CFAP91: variants seen among roughly 807,000 people sequenced by gnomAD.
The protein encoded by CFAP91 is cilia and flagella associated protein 91, also known as cilia- and flagella-associated protein 91.
CFAP91 carries 85 observed loss-of-function variants against 95.9 expected under a neutral mutation model. That is an observed-to-expected ratio of 0.89 (90% confidence interval 0.74 to 1.06). CFAP91 has a LOEUF of 1.06. Among genes scored for constraint, CFAP91 ranks in the 50% least tolerant of loss-of-function variants. The pLI is 0.00. For missense variants in CFAP91, 962 were observed against 943.4 expected, an observed-to-expected ratio of 1.02 and a Z score of -0.26; for synonymous variants, 335 against 327.5, an observed-to-expected ratio of 1.02 and a Z score of -0.25.
At chr3:119,713,380 A>C (rs1234953052) in intron 5 of CFAP91, 1 of 149,340 alleles carries the variant, frequency 6.7e-6, no homozygotes, top group Non-Finnish European at 1.5e-5. Flanking sequence ...GGCCTCCCAA[A>C]GTGCTGGGAT....
intron 11 of CFAP91, among the ~76,000 whole-genome samples, chr3:119,737,750 G>A (rs566277623): frequency 6.6e-6 from 1 of 152,312 alleles, no homozygotes; most frequent in African/African-American, 2.4e-5. Context: ...TAGTGCTCAT[G>A]TATATGAAAT....
At chr3:119,747,382 T>C (rs2054242712) in intron 15 of CFAP91, 119 bp downstream of exon 15, 2 of 1,178,866 alleles carry the variant, frequency 1.7e-6, no homozygotes, top group Non-Finnish European at 1.2e-6. Flanking sequence ...TACTTCAGCG[T>C]CCATTGTTTT....
At position 119,703,044 on chromosome 3, in the gene CFAP91, A is replaced by C. The variant is rs969374811; in HGVS notation, c.-55A>C. ...GCCGTTACCATAGCGACGTGCACGC[A>C]GTAGCCAGGCCTGACCCGCTGGTCC... is the stretch of plus-strand genomic sequence containing the variant. On this transcript the variant is annotated 5_prime_UTR_variant, in exon 1 of 18. Coordinates refer to ENST00000273390, the MANE Select transcript of CFAP91 (RefSeq NM_033364.4). 7 of 1,535,272 alleles carry C rather than the reference A, an allele frequency of 4.6e-6. No individual in the cohort carries two copies. In the South Asian group the frequency reaches 7.3e-5, roughly 16 times the overall value.
chr3:119,725,253 C>T (rs1016471961), intron 6 of CFAP91, among the ~76,000 whole-genome samples: 2 of 152,194 alleles, frequency 1.3e-5, no homozygotes, highest in East Asian at 1.9e-4. Context: ...GGGAGGCATA[C>T]GTTGGCTTAG....
In CFAP91 at chr3:119,706,857, T is replaced by G. The variant is rs1208936872; in HGVS notation, c.173T>G (p.Ile58Ser). Residue 58 changes from isoleucine to serine, a missense_variant, in exon 2 of 18, where the codon ATC becomes AGC. By Grantham distance (142) the Ile-to-Ser change is moderately radical. Coordinates refer to ENST00000273390, the MANE Select transcript of CFAP91 (RefSeq NM_033364.4). ...SSEKDHTQANIQATLIRSRLR... is the reference protein window; with the variant it reads ...SSEKDHTQANSQATLIRSRLR... ...GAGAAAGACCATACACAGGCAAATATCCAAGCTACCCTGATTCGCAGCAGA... is the reference window on the plus strand; with the variant it reads ...GAGAAAGACCATACACAGGCAAATAGCCAAGCTACCCTGATTCGCAGCAGA... 6.2e-7 allele frequency: 1 copy of G among 1,613,270 alleles called. No homozygotes were observed. Among genetic ancestry groups the G allele is most frequent in the South Asian group, 1.1e-5 (1 of 91,028 alleles).
intron 6 of CFAP91, among the ~76,000 whole-genome samples, chr3:119,721,034 A>C (rs889737596): frequency 6.6e-6 from 1 of 152,230 alleles, no homozygotes; most frequent in Non-Finnish European, 1.5e-5. Context: ...ATGAAGGGCC[A>C]ACTATACTAG....
Position 119,726,345 on chromosome 3 carries a change from A to G in CFAP91, c.857A>G (p.Glu286Gly). 1 of 1,609,638 alleles carries G rather than the reference A, an allele frequency of 6.2e-7. No homozygotes were observed. Among genetic ancestry groups the G allele is most frequent in the Non-Finnish European group, 8.5e-7 (1 of 1,178,196 alleles). Reference protein sequence around the residue: ...KEWAFREQEIEKLQEIRLEVL... With the variant: ...KEWAFREQEIGKLQEIRLEVL... ...TGGGCCTTCAGAGAGCAGGAGATTG[A>G]AAAGTAGGTTCTCTATCACCCAGAC... Residue 286 changes from glutamate (E) to glycine (G), a missense_variant, in exon 7 of 18, where the codon GAA (glutamate) becomes GGA (glycine). Coordinates refer to ENST00000273390, the MANE Select transcript of CFAP91 (RefSeq NM_033364.4).
At chr3:119,708,563 T>A in intron 3 of CFAP91, 28 bp from the exon 4 acceptor site, 1 of 1,433,872 alleles carries the variant, frequency 7.0e-7, no homozygotes, top group Non-Finnish European at 9.8e-7. Context: ...ATTTTAGACT[T>A]GAATAATGTT....
rs1190581316 is a variant in CFAP91 at position 119,765,723 on chromosome 3, G to A, written c.*673G>A. ...ATCTGCCCATCCTGTGTATTGACAA[G>A]CATCAGGATTCCAGGAGGATTCTTC... is the stretch of plus-strand genomic sequence containing the variant. On this transcript the variant is annotated 3_prime_UTR_variant, in exon 18 of 18. Coordinates refer to ENST00000273390, the MANE Select transcript of CFAP91 (RefSeq NM_033364.4). The A allele has an allele frequency of 6.6e-6, 1 of 152,182 alleles. No individual in the cohort carries two copies. The highest frequency in any genetic ancestry group is 1.5e-5 in the Non-Finnish European group (1 of 68,024). 9.4% of individuals were successfully genotyped at this position (152,182 alleles called of 1,614,324 possible). A position where few individuals can be genotyped will look rare whatever the true frequency, so the allele number is the denominator to read the frequency against.
rs60453079 is a variant in CFAP91 at position 119,730,601 on chromosome 3, A to AGTGTGTGTGTGTGT, written c.1018+260_1018+273dup. On this transcript the variant is annotated intron_variant, in intron 8 of 17. Coordinates refer to ENST00000273390, the MANE Select transcript of CFAP91 (RefSeq NM_033364.4). ...TAACAGGTAGTCGAGTTACTGAGAT[A>AGTGTGTGTGTGTGT]GTGTGTGTGTGTGTGTGTGTGTGTG... is the stretch of plus-strand genomic sequence containing the variant. Among the ~76,000 whole-genome samples, 165 of 137,196 alleles carry AGTGTGTGTGTGTGT rather than the reference A, an allele frequency of 1.2e-3. No individual in the cohort carries two copies. The East Asian group carries it at 0.022, about 19-fold the overall frequency. The allele number at this position is 137,196 out of a possible 152,430, so 90.0% of individuals were successfully genotyped here.
At chr3:119,747,307 C>T (rs996840573) in intron 15 of CFAP91, 44 bp downstream of exon 15, 10 of 1,575,350 alleles carry the variant, frequency 6.3e-6, no homozygotes, top group Non-Finnish European at 7.7e-6. Flanking sequence ...AGCCCATTTG[C>T]TGGTACTCAT....
intron 11 of CFAP91, among the ~76,000 whole-genome samples, chr3:119,738,788 A>G (rs2054061675): frequency 6.6e-6 from 1 of 152,228 alleles, no homozygotes; most frequent in Non-Finnish European, 1.5e-5. Context: ...TGATTTTTAT[A>G]GATGGCTAAC....
At chr3:119,740,512 T>A in intron 12 of CFAP91, 37 bp from the exon 13 acceptor site, 1 of 1,605,484 alleles carries the variant, frequency 6.2e-7, no homozygotes, top group Non-Finnish European at 8.5e-7. Context: ...AAAGGGATGG[T>A]AACTTGCAGG....
At chr3:119,749,398 C>A (rs1055329346) in intron 16 of CFAP91, among the ~76,000 whole-genome samples, 1 of 152,014 alleles carries the variant, frequency 6.6e-6, no homozygotes, top group Non-Finnish European at 1.5e-5. Context: ...GTGGTATGCA[C>A]CTGTAGTCCC....
At chr3:119,758,270 T>G (rs2054471445) in intron 17 of CFAP91, among the ~76,000 whole-genome samples, 1 of 152,164 alleles carries the variant, frequency 6.6e-6, no homozygotes, top group Non-Finnish European at 1.5e-5. Flanking sequence ...GCTGCAGACT[T>G]GGTAATATTT....
intron 5 of CFAP91, among the ~76,000 whole-genome samples, chr3:119,714,722 C>T (rs1164144340): frequency 6.6e-6 from 1 of 152,094 alleles, no homozygotes; most frequent in Admixed American, 6.5e-5. Flanking sequence ...GCTATTTAAA[C>T]TTTTTATCAT....
chr3:119,708,745 AG>A, intron 4 of CFAP91, 71 bp downstream of exon 4: 1 of 942,238 alleles, frequency 1.1e-6, no homozygotes, highest in Non-Finnish European at 1.6e-6. Context: ...TAATAATAAT[AG>A]TTATCATTTT....
chr3:119,747,313 CT>C, intron 15 of CFAP91, 50 bp downstream of exon 15: 1 of 1,562,426 alleles, frequency 6.4e-7, no homozygotes, highest in African/African-American at 1.4e-5. Flanking sequence ...TTTGCTGGTA[CT>C]CATATATATT....
Position 119,732,472 on chromosome 3 carries a change from T to C in CFAP91, c.1197T>C (p.Tyr399=), listed in dbSNP as rs763217547. The change falls in exon 9 of 18, where the codon TAT becomes TAC. Residue 399 remains tyrosine (Y), a synonymous_variant. Coordinates refer to ENST00000273390, the MANE Select transcript of CFAP91 (RefSeq NM_033364.4). The stretch of plus-strand genomic sequence containing the variant: ...TAAAAAACTACTATCTCAACACCTA[T>C]GAAGGTAAGCAATTTACATAATTAG... ...FVVKNYYLNT[Y]EGLVELESCL... is the part of the protein sequence containing the mutation. 2.5e-6 allele frequency: 4 copies of C among 1,578,176 alleles called. No homozygotes were observed. Among genetic ancestry groups the C allele is most frequent in the Admixed American group, 1.9e-5 (1 of 52,604 alleles).
Sources: gnomAD v4.1 joint callset for allele counts (sites outside exome capture counted in the v4.1 genomes callset) on GRCh38, gnomAD v4.1.1 for gene constraint, MANE v1.5 for transcripts, NCBI Gene and HGNC (gene_info 2026-07-23, HGNC 2026-07-21) for gene names.